CIMAP1D: variants seen among roughly 807,000 people sequenced by gnomAD.
The protein encoded by CIMAP1D is CIMAP1 family member D, also known as protein CIMAP1D.
the CIMAP1D span, among the ~76,000 whole-genome samples, chr19:491,095 C>CAAAAA: frequency 1.4e-4 from 16 of 115,046 alleles, no homozygotes; most frequent in East Asian, 1.4e-3. Flanking sequence ...GGCTTTGTCT[C>CAAAAA]AAAAAAAAAA....
At chr19:490,004 C>T in the CIMAP1D span, 3 of 398,338 alleles carry the variant, frequency 7.5e-6, no homozygotes, top group Admixed American at 8.8e-5. Context: ...CCACGTCCGG[C>T]GGCCACGATA....
the CIMAP1D span, chr19:463,837 G>T: frequency 3.7e-6 from 6 of 1,604,628 alleles, no homozygotes; most frequent in East Asian, 6.7e-5. Context: ...TGGGAAACAG[G>T]CCTGGCCTAG....
the CIMAP1D span, among the ~76,000 whole-genome samples, chr19:491,576 AG>A: frequency 6.6e-6 from 1 of 151,928 alleles, no homozygotes; most frequent in Admixed American, 6.5e-5. Flanking sequence ...CCAAGGCGTC[AG>A]AGCAGCTGAC....
chr19:486,335 C>T, the CIMAP1D span, among the ~76,000 whole-genome samples: 2 of 152,224 alleles, frequency 1.3e-5, no homozygotes, highest in African/African-American at 4.8e-5. Context: ...ACCGTACATT[C>T]TGCCTGATAC....
the CIMAP1D span, among the ~76,000 whole-genome samples, chr19:480,825 G>T: frequency 6.6e-5 from 9 of 136,250 alleles, no homozygotes; most frequent in Non-Finnish European, 1.2e-4. Flanking sequence ...TGATGGGGAA[G>T]GATGATGGAA....
chr19:466,310 G>A, the CIMAP1D span, among the ~76,000 whole-genome samples: 1 of 137,872 alleles, frequency 7.3e-6, no homozygotes, highest in African/African-American at 2.7e-5. Context: ...TGGATGGATG[G>A]GTGGATAGAT....
At chr19:481,223 GGGAAGGATGATGGGAA>G in the CIMAP1D span, among the ~76,000 whole-genome samples, 9 of 102,098 alleles carry the variant, frequency 8.8e-5, no homozygotes, top group Non-Finnish European at 1.4e-4. Flanking sequence ...AAGGATGATG[GGGAAGGATGATGGGAA>G]GGATGATGGG....
chr19:486,979 T>C, the CIMAP1D span, among the ~76,000 whole-genome samples: 1 of 152,080 alleles, frequency 6.6e-6, no homozygotes, highest in Non-Finnish European at 1.5e-5. Context: ...CTCAAACTCC[T>C]GACCTCAAGT....
chr19:484,713 AGG>A, the CIMAP1D span, among the ~76,000 whole-genome samples: 1 of 152,076 alleles, frequency 6.6e-6, no homozygotes. Flanking sequence ...CGGAGGAGCG[AGG>A]AGGAGGCCAG....
chr19:478,721 G>A, the CIMAP1D span, among the ~76,000 whole-genome samples: 5 of 152,286 alleles, frequency 3.3e-5, no homozygotes, highest in African/African-American at 1.2e-4. Flanking sequence ...AGGGAGGCTG[G>A]ACCGGATGAG....
chr19:465,869 TGGATGGGTGGGTGGATGGGC>T, the CIMAP1D span, among the ~76,000 whole-genome samples: 2 of 47,812 alleles, frequency 4.2e-5, no homozygotes, highest in African/African-American at 8.4e-5. Flanking sequence ...GATGGGTGGG[TGGATGGGTGGGTGGATGGGC>T]GGGTGGATGG....
chr19:470,829 C>A, the CIMAP1D span, among the ~76,000 whole-genome samples: 1 of 152,240 alleles, frequency 6.6e-6, no homozygotes, highest in South Asian at 2.1e-4. Flanking sequence ...TGATGAACAC[C>A]AACAGCTCCC....
the CIMAP1D span, among the ~76,000 whole-genome samples, chr19:471,877 G>C: frequency 1.3e-5 from 2 of 152,098 alleles, no homozygotes; most frequent in Admixed American, 1.3e-4. Flanking sequence ...CGAGTAGCTG[G>C]GACTACAGGC....
At chr19:487,770 C>T in the CIMAP1D span, among the ~76,000 whole-genome samples, 2 of 152,054 alleles carry the variant, frequency 1.3e-5, no homozygotes, top group African/African-American at 4.8e-5. Flanking sequence ...GGAGACCATC[C>T]CTCATATTGT....
the CIMAP1D span, chr19:475,092 T>G: frequency 4.3e-6 from 1 of 231,666 alleles, no homozygotes; most frequent in Admixed American, 5.7e-5. Context: ...CCCAGGGAAC[T>G]AGACCTGCAA....
the CIMAP1D span, chr19:489,124 G>C: frequency 2.0e-4 from 30 of 150,740 alleles, 1 homozygote; most frequent in East Asian, 5.6e-3. Context: ...GGGAGCTGCC[G>C]GGAGCTGTGG....
At chr19:471,336 GACGGGGTTTC>G in the CIMAP1D span, among the ~76,000 whole-genome samples, 1 of 151,894 alleles carries the variant, frequency 6.6e-6, no homozygotes, top group Non-Finnish European at 1.5e-5. Flanking sequence ...TTTTAGTAGA[GACGGGGTTTC>G]ACCATGTTAG....
At chr19:483,909 G>C in the CIMAP1D span, among the ~76,000 whole-genome samples, 2 of 152,128 alleles carry the variant, frequency 1.3e-5, no homozygotes, top group East Asian at 3.9e-4. Context: ...GTGCGGCACG[G>C]GAAGGGGACG....
the CIMAP1D span, among the ~76,000 whole-genome samples, chr19:488,258 G>C: frequency 0.075 from 11,342 of 151,946 alleles, 905 homozygotes; most frequent in East Asian, 0.31. Context: ...CTTGGTGGCT[G>C]AAGCCTGTAA....
Sources: gnomAD v4.1 joint callset for allele counts (sites outside exome capture counted in the v4.1 genomes callset) on GRCh38, gnomAD v4.1.1 for gene constraint, MANE v1.5 for transcripts, NCBI Gene and HGNC (gene_info 2026-07-23, HGNC 2026-07-21) for gene names.